Variants in PAPOLG observed in about 807,000 individuals in gnomAD.
The protein encoded by PAPOLG is poly(A) polymerase gamma, also known as PAP-gamma.
In PAPOLG, 40 loss-of-function variants were observed where a neutral mutation model predicts 99.0. That is an observed-to-expected ratio of 0.40 (90% CI 0.31 to 0.53). PAPOLG has a LOEUF of 0.53. PAPOLG is among the 20% of genes least tolerant of loss of function. PAPOLG has a pLI of 0.41. For synonymous variants in PAPOLG, 310 were observed against 299.3 expected, an observed-to-expected ratio of 1.04 and a Z score of -0.37; for missense variants, 675 against 884.1, an observed-to-expected ratio of 0.76 and a Z score of 3.00.
intron 5 of PAPOLG, among the ~76,000 whole-genome samples, chr2:60,769,407 T>C (rs1670781199): frequency 6.6e-6 from 1 of 152,200 alleles, no homozygotes; most frequent in Non-Finnish European, 1.5e-5. Flanking sequence ...AAACAAGACA[T>C]TGTTTATTGA....
chr2:60,775,150 G>C, intron 8 of PAPOLG, 27 bp downstream of exon 8: 1 of 1,583,204 alleles, frequency 6.3e-7, no homozygotes, highest in South Asian at 1.2e-5. Flanking sequence ...TTTTATGTTT[G>C]CATTATAAAA....
chr2:60,787,299 A>C (rs1671391796), intron 14 of PAPOLG, among the ~76,000 whole-genome samples: 1 of 152,224 alleles, frequency 6.6e-6, no homozygotes, highest in East Asian at 1.9e-4. Context: ...GAATATATTT[A>C]GTAAGTCATT....
chr2:60,781,186 T>G (rs1671177203), intron 10 of PAPOLG, among the ~76,000 whole-genome samples: 1 of 152,026 alleles, frequency 6.6e-6, no homozygotes, highest in African/African-American at 2.4e-5. Context: ...TGAAACCCCC[T>G]CTCTACTGAA....
chr2:60,762,953 T>A (rs1339846389), intron 3 of PAPOLG, among the ~76,000 whole-genome samples: 1 of 148,948 alleles, frequency 6.7e-6, no homozygotes, highest in African/African-American at 2.5e-5. Context: ...TTTTATTTTA[T>A]TTTTTTTTGG....
chr2:60,770,913 G>A (rs555697954), intron 6 of PAPOLG, among the ~76,000 whole-genome samples: 151 of 152,246 alleles, frequency 9.9e-4, no homozygotes, highest in Admixed American at 2.4e-3. Flanking sequence ...ATGAGCCACC[G>A]CGCCTGGCCC....
chr2:60,782,090 C>A, intron 11 of PAPOLG, 85 bp downstream of exon 11: 2 of 1,368,266 alleles, frequency 1.5e-6, no homozygotes, highest in Non-Finnish European at 2.1e-6. Flanking sequence ...TATGGATTGG[C>A]AGTTAGAGTT....
Position 60,791,873 on chromosome 2 carries a change from G to A in PAPOLG, c.1509G>A (p.Lys503=). The A allele has an allele frequency of 4.3e-6, 7 of 1,610,882 alleles. No homozygotes were observed. Among genetic ancestry groups the A allele is most frequent in the Non-Finnish European group, 5.9e-6 (7 of 1,179,268 alleles). The part of the protein sequence containing the change: ...HHYLPAEILQ[K]KKKQSLSDVN... ...ACCTTCCTGCAGAAATTCTTCAAAA[G>A]AAGAAAAAGGTGAGTTTATAATCTT... Residue 503 remains lysine, a synonymous_variant, in exon 16 of 22, where the codon AAG becomes AAA. Coordinates refer to ENST00000238714, the MANE Select transcript of PAPOLG (RefSeq NM_022894.4).
At chr2:60,791,979 A>T in intron 16 of PAPOLG, 97 bp downstream of exon 16, 2 of 1,482,754 alleles carry the variant, frequency 1.3e-6, no homozygotes, top group South Asian at 2.6e-5. Context: ...ATTGAGAAAA[A>T]TAAGGAAGAT....
chr2:60,787,353 A>G (rs963913030), intron 14 of PAPOLG, 158 bp from the exon 15 acceptor site: 15 of 483,418 alleles, frequency 3.1e-5, no homozygotes, highest in Admixed American at 6.4e-5. Flanking sequence ...GGGATAACTT[A>G]CCAGTTCTGG....
chr2:60,787,683 C>T, intron 15 of PAPOLG, 63 bp downstream of exon 15: 2 of 1,570,188 alleles, frequency 1.3e-6, no homozygotes, highest in Middle Eastern at 1.7e-4. Context: ...TGTCATCTGC[C>T]TACAATCTGG....
chr2:60,795,470 G>A (rs1036201785), intron 21 of PAPOLG: 7 of 194,016 alleles, frequency 3.6e-5, no homozygotes, highest in East Asian at 1.6e-4. Context: ...TGAGCTAAAC[G>A]CCCCTAAATT....
chr2:60,774,869 G>A (rs1670970024), intron 7 of PAPOLG, 165 bp from the exon 8 acceptor site: 1 of 767,924 alleles, frequency 1.3e-6, no homozygotes, highest in Admixed American at 6.3e-5. Context: ...TTACCCTAAA[G>A]CAAACTGATT....
intron 15 of PAPOLG, among the ~76,000 whole-genome samples, chr2:60,788,629 C>G (rs573186354): frequency 2.2e-3 from 341 of 152,220 alleles, no homozygotes; most frequent in African/African-American, 7.8e-3. Flanking sequence ...TGAATGTTAT[C>G]TGTTTTAAAA....
At chr2:60,775,707 AT>A (rs796727856) in intron 8 of PAPOLG, among the ~76,000 whole-genome samples, 13 of 149,972 alleles carry the variant, frequency 8.7e-5, no homozygotes, top group African/African-American at 9.8e-5. Context: ...GCAAATTACA[AT>A]TTTTTTTTTG....
At chr2:60,791,560 G>C (rs1261945307) in intron 15 of PAPOLG, 4 of 443,856 alleles carry the variant, frequency 9.0e-6, no homozygotes, top group African/African-American at 8.4e-5. Context: ...CTCAAAAAAA[G>C]AAAAACTAGT....
At chr2:60,775,180 G>A (rs1670979316) in intron 8 of PAPOLG, 57 bp downstream of exon 8, 2 of 1,543,284 alleles carry the variant, frequency 1.3e-6, no homozygotes, top group Admixed American at 4.1e-5. Context: ...TCTCTTGCCA[G>A]TGAAAGAAGC....
intron 13 of PAPOLG, among the ~76,000 whole-genome samples, chr2:60,783,834 A>ATG (rs66967368): frequency 0.11 from 16,567 of 152,130 alleles, 865 homozygotes; most frequent in Middle Eastern, 0.14. Context: ...CATCAAATTA[A>ATG]TGTTTCAGAA....
chr2:60,796,936 T>G, intron 21 of PAPOLG, 126 bp from the exon 22 acceptor site: 141 of 1,164,108 alleles, frequency 1.2e-4, no homozygotes, highest in Non-Finnish European at 1.5e-4. Context: ...ATTGCATACT[T>G]GAGTGTTTAG....
Position 60,783,185 on chromosome 2 carries a change from C to A in PAPOLG, c.1142C>A (p.Ser381Ter). The A allele has an allele frequency of 6.3e-7, 1 of 1,591,712 alleles. No individual in the cohort carries two copies. Among genetic ancestry groups the A allele is most frequent in the Non-Finnish European group, 8.5e-7 (1 of 1,169,738 alleles). ...RHYIVLTASA[S>*]TEENHLEWVG... ...TATATAGTATTGACTGCCAGCGCAT[C>A]AACAGAAGAAAACCATCTAGAGTGG... The change falls in exon 13 of 22, where the codon TCA becomes TAA. Residue 381 changes from serine (S) to a stop codon, truncating the protein, a stop_gained. Coordinates refer to ENST00000238714, the MANE Select transcript of PAPOLG (RefSeq NM_022894.4). LOFTEE classifies it high-confidence loss of function.
Sources: allele counts gnomAD v4.1 joint callset (sites outside exome capture counted in the v4.1 genomes callset), GRCh38; gene constraint gnomAD v4.1.1; transcripts MANE v1.5; gene names NCBI Gene and HGNC (gene_info 2026-07-23, HGNC 2026-07-21).